HDAC4: variants seen among roughly 807,000 people sequenced by gnomAD.
The protein encoded by HDAC4 is histone deacetylase A.
HDAC4 carries 16 observed loss-of-function variants against 135.1 expected under a neutral mutation model. The ratio of observed to expected loss-of-function variants is 0.12; its 90% CI spans 0.08 to 0.18. HDAC4 has a LOEUF of 0.18. HDAC4 is among the 10% of genes least tolerant of loss of function. HDAC4 has a pLI of 1.00. For missense variants in HDAC4, 1,143 were observed against 1,511.8 expected (o/e 0.76, Z 4.05); for synonymous variants, 685 against 653.4 (o/e 1.05, Z -0.74).
chr2:239,298,482 A>ACACTGT, intron 2 of HDAC4: 1 of 1,127,864 alleles, frequency 8.9e-7, no homozygotes, highest in Non-Finnish European at 1.1e-6. Flanking sequence ...TATTACAATC[A>ACACTGT]CACTGTCACT....
At chr2:239,222,007 T>A (rs982810966) in intron 3 of HDAC4, among the ~76,000 whole-genome samples, 1 of 152,244 alleles carries the variant, frequency 6.6e-6, no homozygotes, top group Non-Finnish European at 1.5e-5. Flanking sequence ...ATAAAGTCCT[T>A]CCTTGCCAGC....
At chr2:239,395,979 CT>C (rs1198683989) in intron 1 of HDAC4, among the ~76,000 whole-genome samples, 1 of 152,050 alleles carries the variant, frequency 6.6e-6, no homozygotes, top group Non-Finnish European at 1.5e-5. Context: ...CATATATAAA[CT>C]TTTTTGGGGG....
chr2:239,066,996 A>T, intron 23 of HDAC4, 141 bp from the exon 24 acceptor site: 1 of 987,760 alleles, frequency 1.0e-6, no homozygotes, highest in South Asian at 1.5e-5. Flanking sequence ...TCGTTTAATA[A>T]ATTCGCTGAA....
intron 2 of HDAC4, among the ~76,000 whole-genome samples, chr2:239,322,929 C>T (rs1253972253): frequency 3.9e-5 from 6 of 152,108 alleles, no homozygotes; most frequent in South Asian, 2.1e-4. Context: ...AGCGCTGCTG[C>T]GGGGTGTGTG....
intron 3 of HDAC4, among the ~76,000 whole-genome samples, chr2:239,233,231 A>C (rs2047700457): frequency 6.6e-6 from 1 of 152,226 alleles, no homozygotes; most frequent in Admixed American, 6.5e-5. Flanking sequence ...TTATGAGGGA[A>C]GTTGAAGAAA....
rs532264817 is a variant in HDAC4, at chr2:239,389,877, A to G, written c.-220+11101T>C. Among the ~76,000 whole-genome samples, 138 of 152,290 alleles carry G rather than the reference A, an allele frequency of 9.1e-4. 1 individual carries two copies. The South Asian group carries it at 0.028, about 31-fold the overall frequency. On this transcript the variant is annotated intron_variant, in intron 1 of 26. Coordinates refer to ENST00000543185, the MANE Select transcript of HDAC4 (RefSeq NM_001378414.1). Reference sequence around the variant, plus strand: ...GGCTGAGCCACTCGGTGCGCTCTGCACCCCGGTCACAGTGACTGGTTCAGA... The same window carrying G: ...GGCTGAGCCACTCGGTGCGCTCTGCGCCCCGGTCACAGTGACTGGTTCAGA...
At chr2:239,270,649 G>C (rs1322239519) in intron 2 of HDAC4, among the ~76,000 whole-genome samples, 1 of 152,214 alleles carries the variant, frequency 6.6e-6, no homozygotes. Flanking sequence ...TGTGCTACTT[G>C]CATTCAGCAT....
chr2:239,279,064 C>G (rs2125334987), intron 2 of HDAC4, among the ~76,000 whole-genome samples: 1 of 152,374 alleles, frequency 6.6e-6, no homozygotes, highest in East Asian at 1.9e-4. Flanking sequence ...CACCCTGCCC[C>G]AGGCGGGGAA....
At chr2:239,236,752 CCAAA>C (rs1244590560) in intron 2 of HDAC4, 88 bp from the exon 3 acceptor site, 3 of 930,580 alleles carry the variant, frequency 3.2e-6, no homozygotes, top group Non-Finnish European at 5.2e-6. Context: ...GAGTAACTCC[CCAAA>C]CAATGAAATG....
chr2:239,053,731 C>G (rs1231076697), intron 25 of HDAC4, 130 bp from the exon 26 acceptor site: 22 of 733,720 alleles, frequency 3.0e-5, no homozygotes, highest in Non-Finnish European at 4.0e-5. Context: ...AAGCACCCGT[C>G]TTTGAAGAGA....
intron 2 of HDAC4, among the ~76,000 whole-genome samples, chr2:239,290,807 G>A (rs2051443625): frequency 6.6e-6 from 1 of 152,232 alleles, no homozygotes; most frequent in Non-Finnish European, 1.5e-5. Flanking sequence ...ACTATGGGGA[G>A]GGCCGGGGTT....
intron 2 of HDAC4, among the ~76,000 whole-genome samples, chr2:239,305,165 C>T (rs538572106): frequency 6.6e-6 from 1 of 152,314 alleles, no homozygotes; most frequent in South Asian, 2.1e-4. Context: ...GCTTGAGTAA[C>T]ACAAATACGG....
chr2:239,093,931 T>C, intron 17 of HDAC4: 5 of 984,512 alleles, frequency 5.1e-6, no homozygotes, highest in Non-Finnish European at 6.0e-6. Context: ...GAGGGCTTGG[T>C]GGTGGTATGA....
intron 2 of HDAC4, among the ~76,000 whole-genome samples, chr2:239,258,939 C>T (rs2049196628): frequency 6.6e-6 from 1 of 152,190 alleles, no homozygotes; most frequent in Non-Finnish European, 1.5e-5. Context: ...ATATCTAAAA[C>T]ATACAGCTAT....
intron 2 of HDAC4, among the ~76,000 whole-genome samples, chr2:239,276,169 G>C (rs182143563): frequency 1.8e-4 from 27 of 152,338 alleles, no homozygotes; most frequent in Middle Eastern, 6.8e-3. Flanking sequence ...TGGTGGCAAC[G>C]CAGAGAACCT....
At chr2:239,227,287 A>G (rs2047296299) in intron 3 of HDAC4, among the ~76,000 whole-genome samples, 1 of 152,174 alleles carries the variant, frequency 6.6e-6, no homozygotes. Context: ...ATGGAACAGC[A>G]CTGAAAACTG....
At chr2:239,324,482 C>T (rs747792034) in intron 2 of HDAC4, among the ~76,000 whole-genome samples, 40 of 152,224 alleles carry the variant, frequency 2.6e-4, no homozygotes, top group Admixed American at 1.5e-3. Context: ...TGTTTGCTCT[C>T]CAGGGGCCAA....
At chr2:239,351,726 A>G (rs1693168694) in intron 2 of HDAC4, 1 of 154,454 alleles carries the variant, frequency 6.5e-6, no homozygotes. Flanking sequence ...AGTGACCCAG[A>G]CAGACCCTGA....
chr2:239,118,196 T>C (rs1420828107), intron 12 of HDAC4, among the ~76,000 whole-genome samples: 2 of 151,652 alleles, frequency 1.3e-5, no homozygotes, highest in Non-Finnish European at 2.9e-5. Context: ...GGGGGGTTTG[T>C]TTTATGATTG....
Sources: allele counts gnomAD v4.1 joint callset (sites outside exome capture counted in the v4.1 genomes callset), GRCh38; gene constraint gnomAD v4.1.1; transcripts MANE v1.5; gene names NCBI Gene and HGNC (gene_info 2026-07-23, HGNC 2026-07-21).